RBFOX1: variants seen among roughly 807,000 people sequenced by gnomAD.
RBFOX1 encodes RNA binding protein fox-1 homolog 1.
Under a neutral mutation model 57.7 loss-of-function variants are expected in RBFOX1, and 8 were observed. The ratio of observed to expected loss-of-function variants is 0.14; its 90% CI spans 0.08 to 0.25. RBFOX1 has a LOEUF of 0.25. RBFOX1 is among the 10% of genes least tolerant of loss of function. RBFOX1 has a pLI of 1.00. For synonymous variants in RBFOX1, 326 were observed against 222.4 expected, an observed-to-expected ratio of 1.47 and a Z score of -4.15; for missense variants, 611 against 548.5, an observed-to-expected ratio of 1.11 and a Z score of -1.14.
chr16:7,483,635 G>C (rs1054325487), intron 4 of RBFOX1, among the ~76,000 whole-genome samples: 1 of 152,216 alleles, frequency 6.6e-6, no homozygotes, highest in East Asian at 1.9e-4. Flanking sequence ...GCTGATAATA[G>C]AATAATTGCT....
At chr16:5,855,075 G>A (rs2151872518) in intron 3 of RBFOX1, among the ~76,000 whole-genome samples, 1 of 152,122 alleles carries the variant, frequency 6.6e-6, no homozygotes, top group South Asian at 2.1e-4. Flanking sequence ...TTGTATGTGT[G>A]TTTTTTTCTG....
chr16:5,581,080 C>G (rs2046648877), intron 2 of RBFOX1, among the ~76,000 whole-genome samples: 1 of 152,138 alleles, frequency 6.6e-6, no homozygotes, highest in South Asian at 2.1e-4. Context: ...TAGGTAAATG[C>G]AAATATCCAC....
intron 2 of RBFOX1, among the ~76,000 whole-genome samples, chr16:6,564,910 G>A (rs547232218): frequency 2.6e-5 from 4 of 152,176 alleles, no homozygotes; most frequent in African/African-American, 9.6e-5. Flanking sequence ...AGAGGCTAAG[G>A]TGGGAGGATC....
At chr16:6,828,728 C>G (rs561701170) in intron 3 of RBFOX1, among the ~76,000 whole-genome samples, 2 of 151,988 alleles carry the variant, frequency 1.3e-5, no homozygotes, top group Admixed American at 6.6e-5. Context: ...GAGTGACTTA[C>G]CATGTTAATG....
chr16:7,133,703 A>C (rs975721528), intron 4 of RBFOX1, among the ~76,000 whole-genome samples: 3 of 152,140 alleles, frequency 2.0e-5, no homozygotes, highest in African/African-American at 7.2e-5. Flanking sequence ...AATAAGTGGT[A>C]TTTTTCTGAG....
At chr16:7,564,300 G>T (rs1310507062) in intron 5 of RBFOX1, among the ~76,000 whole-genome samples, 1 of 151,946 alleles carries the variant, frequency 6.6e-6, no homozygotes, top group Non-Finnish European at 1.5e-5. Context: ...AGCACTTTGG[G>T]ACGCAGAGGT....
intron 3 of RBFOX1, among the ~76,000 whole-genome samples, chr16:6,896,498 C>T (rs2066953335): frequency 6.6e-6 from 1 of 152,212 alleles, no homozygotes; most frequent in East Asian, 1.9e-4. Flanking sequence ...TTAGATCCCA[C>T]TAATAAGTGA....
intron 4 of RBFOX1, among the ~76,000 whole-genome samples, chr16:5,896,320 G>C (rs1321899924): frequency 6.6e-6 from 1 of 152,132 alleles, no homozygotes; most frequent in Non-Finnish European, 1.5e-5. Context: ...TTTTGATCGT[G>C]GGCAAGGGTC....
rs555078430 is a variant in RBFOX1, at chr16:6,139,743, G to A, written c.-127+119751G>A. Reference sequence around the variant, plus strand: ...TCCTCACTCTTTCTGTTTCTTGGTCGTTTTTTTCTTGATTTCTCCTTATGT... The same window carrying A: ...TCCTCACTCTTTCTGTTTCTTGGTCATTTTTTTCTTGATTTCTCCTTATGT... On this transcript the variant is annotated intron_variant, in intron 1 of 15. Coordinates refer to ENST00000550418, the MANE Select transcript of RBFOX1 (RefSeq NM_018723.4). 6.3e-4 allele frequency among the ~76,000 whole-genome samples: 96 copies of A among 152,076 alleles called. 1 individual carries two copies. In the Middle Eastern group the frequency reaches 0.017, roughly 27 times the overall value.
chr16:5,898,271 G>A (rs1490464645), intron 4 of RBFOX1, among the ~76,000 whole-genome samples: 6 of 152,116 alleles, frequency 3.9e-5, no homozygotes, highest in African/African-American at 1.2e-4. Flanking sequence ...ATGACACGTG[G>A]GGTTTATGGG....
At chr16:7,222,394 T>G (rs13336069) in intron 4 of RBFOX1, among the ~76,000 whole-genome samples, 80,151 of 152,000 alleles carry the variant, frequency 0.53, 22,804 homozygotes, top group East Asian at 0.77. Flanking sequence ...GCAACTAGAG[T>G]TTTCTCATTC....
chr16:6,480,425 A>G (rs74005229), intron 2 of RBFOX1, among the ~76,000 whole-genome samples: 3,378 of 152,332 alleles, frequency 0.022, 132 homozygotes, highest in African/African-American at 0.076. Context: ...GGGCATAGCT[A>G]TGTTTCAATA....
intron 3 of RBFOX1, among the ~76,000 whole-genome samples, chr16:5,625,600 C>G (rs1018600149): frequency 2.0e-5 from 3 of 151,340 alleles, no homozygotes; most frequent in African/African-American, 7.3e-5. Flanking sequence ...CTCTGTCACC[C>G]CGGCTCGAGT....
intron 4 of RBFOX1, among the ~76,000 whole-genome samples, chr16:7,145,265 C>A (rs141913497): frequency 3.3e-5 from 5 of 152,092 alleles, no homozygotes; most frequent in African/African-American, 1.2e-4. Flanking sequence ...AGTGCAGTGG[C>A]GCAGTCTCAG....
chr16:7,586,349 C>G (rs577489591), intron 6 of RBFOX1, among the ~76,000 whole-genome samples: 1 of 152,136 alleles, frequency 6.6e-6, no homozygotes, highest in Non-Finnish European at 1.5e-5. Context: ...TCCGATGCCC[C>G]TAGTTCTAGA....
chr16:6,311,631 T>C (rs72778219), intron 1 of RBFOX1, among the ~76,000 whole-genome samples: 39,793 of 151,968 alleles, frequency 0.26, 5,208 homozygotes, highest in Non-Finnish European at 0.28. Context: ...GAGGCTGGAG[T>C]TCAGGGTGCA....
chr16:6,478,302 A>C (rs2095306112), intron 2 of RBFOX1, among the ~76,000 whole-genome samples: 1 of 137,992 alleles, frequency 7.2e-6, no homozygotes, highest in South Asian at 2.3e-4. Context: ...AGCTTACTGC[A>C]ACCTCCGCCT....
At chr16:5,582,705 C>G (rs919381621) in intron 2 of RBFOX1, among the ~76,000 whole-genome samples, 11 of 152,100 alleles carry the variant, frequency 7.2e-5, no homozygotes, top group Admixed American at 2.6e-4. Flanking sequence ...CATGAGCCAT[C>G]ACACCCACGC....
intron 3 of RBFOX1, among the ~76,000 whole-genome samples, chr16:5,630,119 C>G (rs1426370875): frequency 6.6e-6 from 1 of 152,136 alleles, no homozygotes; most frequent in Non-Finnish European, 1.5e-5. Context: ...CTCAGAGGCA[C>G]AGAGGTATGG....
Sources: gnomAD v4.1 joint callset for allele counts (sites outside exome capture counted in the v4.1 genomes callset) on GRCh38, gnomAD v4.1.1 for gene constraint, MANE v1.5 for transcripts, NCBI Gene and HGNC (gene_info 2026-07-23, HGNC 2026-07-21) for gene names.